Variants in NHSL1 observed in about 807,000 individuals in gnomAD.
The protein encoded by NHSL1 is NHS-like protein 1.
NHSL1 carries 48 observed loss-of-function variants against 95.0 expected under a neutral mutation model. The observed-to-expected ratio is 0.51, with a 90% CI of 0.40 to 0.64. NHSL1 has a LOEUF of 0.64. NHSL1 is among the 30% of genes least tolerant of loss of function. NHSL1 has a pLI of 0.00. For missense variants in NHSL1, 1,971 were observed against 2,077.7 expected, an observed-to-expected ratio of 0.95 and a Z score of 1.00; for synonymous variants, 783 against 833.9, an observed-to-expected ratio of 0.94 and a Z score of 1.05.
intron 1 of NHSL1, among the ~76,000 whole-genome samples, chr6:138,661,117 C>CT (rs959244065): frequency 2.0e-5 from 3 of 152,088 alleles, no homozygotes; most frequent in South Asian, 2.1e-4. Context: ...CCCATAGTTA[C>CT]TTTTTTTATG....
At chr6:138,444,272 T>TTA (rs1776718320) in intron 4 of NHSL1, among the ~76,000 whole-genome samples, 1 of 140,084 alleles carries the variant, frequency 7.1e-6, no homozygotes, top group Non-Finnish European at 1.6e-5. Flanking sequence ...TCTTTTAAAT[T>TTA]AAAAAAAAAA....
At chr6:138,473,952 A>G (rs552357637) in intron 2 of NHSL1, among the ~76,000 whole-genome samples, 104 of 152,268 alleles carry the variant, frequency 6.8e-4, no homozygotes, top group African/African-American at 2.4e-3. Context: ...AATTTTCTCA[A>G]TTTAATTTTG....
At chr6:138,456,435 A>G (rs1163993059) in intron 3 of NHSL1, among the ~76,000 whole-genome samples, 1 of 152,202 alleles carries the variant, frequency 6.6e-6, no homozygotes, top group Non-Finnish European at 1.5e-5. Flanking sequence ...AAAGCCTAAA[A>G]CAGAAGCTGA....
intron 1 of NHSL1, among the ~76,000 whole-genome samples, chr6:138,545,102 T>C (rs6926297): frequency 0.08 from 12,007 of 150,552 alleles, 1,629 homozygotes; most frequent in African/African-American, 0.28. Context: ...GCAATTCTTC[T>C]GACTCAGCCT....
chr6:138,499,152 C>CAT (rs1038690551), intron 1 of NHSL1, 81 bp downstream of exon 1: 95 of 851,902 alleles, frequency 1.1e-4, no homozygotes, highest in Admixed American at 2.5e-4. Context: ...CACACACACA[C>CAT]ACACACAGAC....
intron 1 of NHSL1, among the ~76,000 whole-genome samples, chr6:138,610,398 G>C (rs1181892308): frequency 6.6e-6 from 1 of 151,980 alleles, no homozygotes; most frequent in Non-Finnish European, 1.5e-5. Flanking sequence ...AGTGGAGTGG[G>C]GGGAGCGGGG....
chr6:138,551,877 C>G (rs1783017931), intron 1 of NHSL1, among the ~76,000 whole-genome samples: 1 of 152,168 alleles, frequency 6.6e-6, no homozygotes, highest in African/African-American at 2.4e-5. Context: ...GAGTTTACTC[C>G]ACTCCAGAGC....
At chr6:138,527,464 C>G (rs986402437) in intron 1 of NHSL1, among the ~76,000 whole-genome samples, 2 of 152,056 alleles carry the variant, frequency 1.3e-5, no homozygotes, top group Non-Finnish European at 2.9e-5. Flanking sequence ...CTTGCAGCAC[C>G]ATGAAAACAA....
At chr6:138,690,128 G>C (rs147221882) in intron 1 of NHSL1, among the ~76,000 whole-genome samples, 1 of 152,150 alleles carries the variant, frequency 6.6e-6, no homozygotes, top group Non-Finnish European at 1.5e-5. Context: ...TGGCCTTTAC[G>C]GTCAATTCCA....
upstream of NHSL1, among the ~76,000 whole-genome samples, chr6:138,546,297 T>C (rs967821169): frequency 6.6e-6 from 1 of 151,860 alleles, no homozygotes; most frequent in African/African-American, 2.4e-5. Flanking sequence ...TACATACTGC[T>C]ATTTAAAAAC....
Position 138,494,648 on chromosome 6 carries a change from T to A in NHSL1, c.211+1571A>T, listed in dbSNP as rs548533974. Among the ~76,000 whole-genome samples, 4 of 152,304 alleles carry A rather than the reference T, an allele frequency of 2.6e-5. No individual in the cohort carries two copies. In the East Asian group the frequency reaches 7.7e-4, roughly 29 times the overall value. On this transcript the variant is annotated intron_variant, in intron 2 of 7. Transcript: ENST00000343505. ...TAAAATTATTTTTCTAGATTTTCCT[T>A]GAATCAATGACAGAATTTCTCCCAA... is the stretch of plus-strand genomic sequence containing the variant.
chr6:138,561,712 A>G (rs886078253), intron 1 of NHSL1, among the ~76,000 whole-genome samples: 11 of 152,168 alleles, frequency 7.2e-5, no homozygotes, highest in Admixed American at 7.2e-4. Context: ...CCAAGCATGC[A>G]CTCAAACACT....
At chr6:138,688,749 A>G (rs1785620975) in intron 1 of NHSL1, among the ~76,000 whole-genome samples, 3 of 152,140 alleles carry the variant, frequency 2.0e-5, no homozygotes, top group Admixed American at 2.0e-4. Flanking sequence ...GCCAAGATGT[A>G]ACTATTCACA....
chr6:138,615,778 G>A (rs1410179957), intron 1 of NHSL1, among the ~76,000 whole-genome samples: 1 of 152,186 alleles, frequency 6.6e-6, no homozygotes, highest in Non-Finnish European at 1.5e-5. Flanking sequence ...TCCCAAATCA[G>A]GTTCTTAAGA....
intron 1 of NHSL1, among the ~76,000 whole-genome samples, chr6:138,619,202 G>A (rs1784620822): frequency 6.6e-6 from 1 of 152,142 alleles, no homozygotes; most frequent in African/African-American, 2.4e-5. Context: ...TCCGGGCATG[G>A]TGGTGGAAGC....
At chr6:138,457,162 C>T (rs1422740125) in intron 3 of NHSL1, among the ~76,000 whole-genome samples, 1 of 152,146 alleles carries the variant, frequency 6.6e-6, no homozygotes. Context: ...ATTACAGGCA[C>T]ACACTACCAT....
chr6:138,482,298 T>C (rs1779463299), intron 2 of NHSL1, among the ~76,000 whole-genome samples: 2 of 151,898 alleles, frequency 1.3e-5, no homozygotes, highest in South Asian at 2.1e-4. Context: ...ATACAAAAAT[T>C]AGCTGGGCGT....
chr6:138,505,314 T>C lies in NHSL1; in HGVS notation c.17-8943A>G, dbSNP rs971762314. On this transcript the variant is annotated intron_variant, in intron 1 of 4. Coordinates refer to the NHSL1 transcript ENST00000342260. ...GCAGAAATGAGCCATGTTTATATCA[T>C]ATGTACGCATTTCGAATTAGATAAA... Among the ~76,000 whole-genome samples, 3 of 152,232 alleles carry C rather than the reference T, an allele frequency of 2.0e-5. No individual in the cohort carries two copies. In the East Asian group the frequency reaches 5.8e-4, roughly 29 times the overall value.
intron 1 of NHSL1, 81 bp downstream of exon 1, chr6:138,499,152 C>T: frequency 4.7e-6 from 4 of 851,862 alleles, no homozygotes; most frequent in Admixed American, 2.3e-5. Flanking sequence ...CACACACACA[C>T]ACACACAGAC....
Sources: allele counts gnomAD v4.1 joint callset (sites outside exome capture counted in the v4.1 genomes callset), GRCh38; gene constraint gnomAD v4.1.1; transcripts MANE v1.5; gene names NCBI Gene and HGNC (gene_info 2026-07-23, HGNC 2026-07-21).